Variants in CDH18 observed in about 807,000 individuals in gnomAD.
CDH18 encodes cadherin-18.
CDH18 carries 31 observed loss-of-function variants against 67.9 expected under a neutral mutation model. That is an observed-to-expected ratio of 0.46 (90% CI 0.34 to 0.62). The LOEUF (loss-of-function observed/expected upper bound fraction) is 0.62. Among genes scored for constraint, CDH18 ranks in the 20% least tolerant of loss-of-function variants. The pLI is 0.01. For synonymous variants in CDH18, 362 were observed against 347.2 expected (o/e 1.04, Z -0.48); for missense variants, 890 against 975.5 (o/e 0.91, Z 1.17).
intron 1 of CDH18, among the ~76,000 whole-genome samples, chr5:20,315,713 C>A (rs761041418): frequency 1.1e-4 from 16 of 152,128 alleles, no homozygotes; most frequent in Admixed American, 2.0e-4. Context: ...TCCTCTAGAT[C>A]TGTATTTGAT....
chr5:19,970,568 T>C (rs1000492208), intron 2 of CDH18, among the ~76,000 whole-genome samples: 14 of 151,590 alleles, frequency 9.2e-5, no homozygotes, highest in African/African-American at 3.4e-4. Flanking sequence ...GAACTATTAC[T>C]GTATTACGTT....
chr5:19,686,686 C>T (rs1530593), intron 5 of CDH18, among the ~76,000 whole-genome samples: 85,364 of 151,902 alleles, frequency 0.56, 27,144 homozygotes, highest in East Asian at 0.74. Flanking sequence ...CTGTGGAACA[C>T]ATTGTGTTTT....
intron 2 of CDH18, among the ~76,000 whole-genome samples, chr5:19,882,377 C>G (rs1787745383): frequency 1.3e-5 from 2 of 151,988 alleles, no homozygotes; most frequent in Non-Finnish European, 2.9e-5. Flanking sequence ...GCAAGCATAA[C>G]ATATAAGCCA....
At chr5:19,503,595 T>C (rs1048849560) in intron 10 of CDH18, among the ~76,000 whole-genome samples, 1 of 152,140 alleles carries the variant, frequency 6.6e-6, no homozygotes, top group African/African-American at 2.4e-5. Context: ...TCCCTGTATG[T>C]TACAGACGAG....
At chr5:20,218,644 T>A (rs925580389) in intron 2 of CDH18, among the ~76,000 whole-genome samples, 3 of 151,982 alleles carry the variant, frequency 2.0e-5, no homozygotes. Context: ...TTTCCCCTCA[T>A]ATTGTTCTCG....
At chr5:20,571,145 T>G (rs1329642662) in intron 1 of CDH18, among the ~76,000 whole-genome samples, 1 of 152,178 alleles carries the variant, frequency 6.6e-6, no homozygotes, top group Non-Finnish European at 1.5e-5. Context: ...TCTCATACTC[T>G]GTGAGACATA....
intron 2 of CDH18, among the ~76,000 whole-genome samples, chr5:19,841,596 CT>C (rs1782328014): frequency 6.8e-6 from 1 of 147,108 alleles, no homozygotes; most frequent in Non-Finnish European, 1.5e-5. Context: ...GAAACTTTAT[CT>C]AGCTTTTCTT....
intron 2 of CDH18, among the ~76,000 whole-genome samples, chr5:20,125,507 C>G (rs1748746776): frequency 6.6e-6 from 1 of 151,972 alleles, no homozygotes; most frequent in Admixed American, 6.6e-5. Context: ...CTCTTATATT[C>G]TTATATTTCA....
At chr5:19,564,442 C>A (rs1331752276) in intron 8 of CDH18, among the ~76,000 whole-genome samples, 1 of 152,044 alleles carries the variant, frequency 6.6e-6, no homozygotes, top group Non-Finnish European at 1.5e-5. Flanking sequence ...AGCTCTCAGA[C>A]AACATTTTTA....
In CDH18 at chr5:19,721,470, T is replaced by A; in HGVS notation, c.524-4A>T. The A allele has an allele frequency of 6.2e-7, 1 of 1,604,090 alleles. No homozygotes were observed. The highest frequency in any genetic ancestry group is 8.5e-7 in the Non-Finnish European group (1 of 1,174,744). On this transcript the variant is annotated splice_region_variant and splice_polypyrimidine_tract_variant and intron_variant, in intron 4 of 12. Coordinates refer to ENST00000382275, the MANE Select transcript of CDH18 (RefSeq NM_004934.5). The stretch of plus-strand genomic sequence containing the variant: ...GTCACCTGTAGAACAGAGGTACCTG[T>A]GCATTCAGGAAAACAAATTTTAGTG...
chr5:20,484,276 A>C (rs1223172802), intron 1 of CDH18, among the ~76,000 whole-genome samples: 1 of 152,108 alleles, frequency 6.6e-6, no homozygotes, highest in Non-Finnish European at 1.5e-5. Flanking sequence ...GACAGGCAAT[A>C]ATAGATGCTG....
rs916006554 is a variant in CDH18 at position 20,004,697 on chromosome 5, T to C, written c.-517-12683A>G. Among the ~76,000 whole-genome samples the C allele has an allele frequency of 6.6e-5, 10 of 152,192 alleles. No homozygotes were observed. The East Asian group carries it at 1.9e-3, about 29-fold the overall frequency. Reference sequence around the variant, plus strand: ...AAACCTTTATAAATAGTTCAATAGATGGGTTGGATTACAGAATGGCTGTAC... The same window carrying C: ...AAACCTTTATAAATAGTTCAATAGACGGGTTGGATTACAGAATGGCTGTAC... On this transcript the variant is annotated intron_variant, in intron 2 of 14. Coordinates refer to the CDH18 transcript ENST00000507958.
chr5:19,979,809 T>C (rs1579925240), intron 2 of CDH18, among the ~76,000 whole-genome samples: 1 of 152,204 alleles, frequency 6.6e-6, no homozygotes. Context: ...AGATTCACAT[T>C]GATGTAATAA....
At chr5:20,474,445 G>T (rs1332707109) in intron 1 of CDH18, among the ~76,000 whole-genome samples, 1 of 152,082 alleles carries the variant, frequency 6.6e-6, no homozygotes, top group Non-Finnish European at 1.5e-5. Flanking sequence ...CTGGCCGAAA[G>T]AAACATACAC....
In CDH18 at chr5:19,921,530, C is replaced by CAA. The variant is rs1291902430; in HGVS notation, c.-257+59528_-257+59529dup. On this transcript the variant is annotated intron_variant, in intron 2 of 12. Coordinates refer to ENST00000382275, the MANE Select transcript of CDH18 (RefSeq NM_004934.5). Reference sequence around the variant, plus strand: ...TGGGCAACATAGCGAGACTCCGTCTCAAAAAAAAAAAAAAAGCCAAAATTA... The same window carrying CAA: ...TGGGCAACATAGCGAGACTCCGTCTCAAAAAAAAAAAAAAAAAGCCAAAATTA... Among the ~76,000 whole-genome samples the CAA allele has an allele frequency of 3.0e-3, 222 of 75,088 alleles. 1 individual carries two copies. Among genetic ancestry groups the CAA allele is most frequent in the South Asian group, 4.8e-3 (9 of 1,892 alleles). 49.3% of individuals were successfully genotyped at this position (75,088 alleles called of 152,430 possible).
intron 1 of CDH18, among the ~76,000 whole-genome samples, chr5:20,494,481 A>T (rs1753792394): frequency 6.6e-6 from 1 of 152,158 alleles, no homozygotes; most frequent in Admixed American, 6.6e-5. Flanking sequence ...GACAATATAC[A>T]TATTTTTTCT....
intron 2 of CDH18, among the ~76,000 whole-genome samples, chr5:19,861,347 C>T (rs1784883627): frequency 6.6e-6 from 1 of 151,922 alleles, no homozygotes; most frequent in Non-Finnish European, 1.5e-5. Context: ...AGGCAAAAGC[C>T]CCAAGTGGTG....
At chr5:20,021,972 G>A (rs1246946592) in intron 2 of CDH18, among the ~76,000 whole-genome samples, 1 of 152,118 alleles carries the variant, frequency 6.6e-6, no homozygotes, top group Admixed American at 6.5e-5. Flanking sequence ...TTAGCCCCCA[G>A]AAAATAACCA....
intron 1 of CDH18, among the ~76,000 whole-genome samples, chr5:20,559,184 T>G (rs1758070114): frequency 6.6e-6 from 1 of 152,000 alleles, no homozygotes. Context: ...GACAAGTAGA[T>G]TTTCAAGGAG....
Sources: allele counts gnomAD v4.1 joint callset (sites outside exome capture counted in the v4.1 genomes callset), GRCh38; gene constraint gnomAD v4.1.1; transcripts MANE v1.5; gene names NCBI Gene and HGNC (gene_info 2026-07-23, HGNC 2026-07-21).